Variants in TTC17 observed in about 807,000 individuals in gnomAD.
TTC17 encodes the protein tetratricopeptide repeat domain 17.
A neutral mutation model predicts 143.8 loss-of-function variants in TTC17; 58 were observed. That is an observed-to-expected ratio of 0.40 (90% CI 0.33 to 0.50). The LOEUF (loss-of-function observed/expected upper bound fraction) is 0.50. Ranked by LOEUF, TTC17 falls within the 20% of genes least tolerant of loss-of-function variation. The probability of loss-of-function intolerance (pLI) is 0.49; values close to 1 mark genes in which losing one functional copy is unlikely to be tolerated. For synonymous variants in TTC17, 501 were observed against 497.8 expected (o/e 1.01, Z -0.09); for missense variants, 1,273 against 1,392.5 (o/e 0.91, Z 1.37).
intron 1 of TTC17, among the ~76,000 whole-genome samples, chr11:43,373,073 C>A (rs1017633326): frequency 6.6e-6 from 1 of 152,158 alleles, no homozygotes; most frequent in African/African-American, 2.4e-5. Flanking sequence ...ATATATCTAA[C>A]AGCAGATATC....
chr11:43,397,142 T>C (rs372299696), intron 6 of TTC17: 2 of 539,094 alleles, frequency 3.7e-6, no homozygotes, highest in Non-Finnish European at 3.2e-6. Flanking sequence ...AATTGTAAAA[T>C]CATACAGTGT....
At chr11:43,418,525 G>T (rs1321496601) in intron 16 of TTC17, among the ~76,000 whole-genome samples, 1 of 152,062 alleles carries the variant, frequency 6.6e-6, no homozygotes, top group African/African-American at 2.4e-5. Context: ...AACTGAATTG[G>T]TTACTGTAGC....
intron 18 of TTC17, 116 bp downstream of exon 18, chr11:43,444,325 T>C (rs1376763275): frequency 9.4e-7 from 1 of 1,066,424 alleles, no homozygotes; most frequent in South Asian, 2.2e-5. Context: ...AGGGGCAAAG[T>C]GTGGTCAAGA....
chr11:43,422,107 G>A (rs1946920304), intron 16 of TTC17, among the ~76,000 whole-genome samples: 1 of 152,154 alleles, frequency 6.6e-6, no homozygotes. Context: ...GGGAGAAAGT[G>A]AGAAATGATC....
chr11:43,451,133 A>C, intron 20 of TTC17, 49 bp from the exon 21 acceptor site: 1 of 1,582,584 alleles, frequency 6.3e-7, no homozygotes, highest in South Asian at 1.1e-5. Flanking sequence ...TATCATCTAG[A>C]TCCTGCATCG....
intron 6 of TTC17, 190 bp from the exon 7 acceptor site, chr11:43,397,157 A>G (rs1857627711): frequency 1.7e-6 from 1 of 583,816 alleles, no homozygotes; most frequent in Non-Finnish European, 2.9e-6. Flanking sequence ...CAGTGTCTGC[A>G]ATACCTTATT....
intron 15 of TTC17, among the ~76,000 whole-genome samples, chr11:43,413,646 A>G (rs1283258915): frequency 6.6e-6 from 1 of 152,038 alleles, no homozygotes; most frequent in East Asian, 1.9e-4. Context: ...TAATTCCTTT[A>G]GATAGAGAAA....
At chr11:43,463,323 T>G (rs1159505601) in intron 21 of TTC17, among the ~76,000 whole-genome samples, 1 of 152,156 alleles carries the variant, frequency 6.6e-6, no homozygotes, top group Non-Finnish European at 1.5e-5. Flanking sequence ...AGATTTAAAT[T>G]TCTTAGCATG....
intron 18 of TTC17, chr11:43,446,137 A>G (rs1947535518): frequency 1.5e-6 from 2 of 1,370,748 alleles, no homozygotes; most frequent in South Asian, 1.9e-5. Flanking sequence ...GTACCCTTCA[A>G]CACCATTCTC....
intron 16 of TTC17, among the ~76,000 whole-genome samples, chr11:43,440,535 T>TC (rs1947392684): frequency 1.3e-5 from 2 of 152,184 alleles, no homozygotes; most frequent in Non-Finnish European, 1.5e-5. Flanking sequence ...CTCTTTACCC[T>TC]CTCTTTTTTA....
intron 16 of TTC17, among the ~76,000 whole-genome samples, chr11:43,433,234 C>T (rs557432105): frequency 3.9e-5 from 6 of 152,238 alleles, no homozygotes; most frequent in East Asian, 1.9e-4. Flanking sequence ...CTCTTGACCT[C>T]GTGATCCGCC....
At chr11:43,445,991 G>C (rs772525788) in intron 18 of TTC17, 1 of 1,530,630 alleles carries the variant, frequency 6.5e-7, no homozygotes, top group South Asian at 1.2e-5. Context: ...ATTTCAGCAA[G>C]GCATTTAACA....
intron 5 of TTC17, 57 bp downstream of exon 5, chr11:43,392,009 C>G (rs1374645564): frequency 1.3e-6 from 2 of 1,528,512 alleles, no homozygotes; most frequent in Non-Finnish European, 1.7e-6. Context: ...TCTGTGTAAA[C>G]AGAAGATATT....
rs1318412479 is a variant in TTC17, at chr11:43,403,857, A to T, written c.1333-141A>T. 4 of 600,742 alleles carry T rather than the reference A, an allele frequency of 6.7e-6. No homozygotes were observed. The East Asian group carries it at 1.2e-4, about 17-fold the overall frequency. The allele number at this position is 600,742 out of a possible 1,614,324, so 37.2% of individuals were successfully genotyped here. A position where few individuals can be genotyped will look rare whatever the true frequency, so the allele number is the denominator to read the frequency against. ...ATCGTTGGGGCATAGTTCTTAAAAG[A>T]TCCAATTGCTTTATTACTGAGCTAC... On this transcript the variant is annotated intron_variant, in intron 10 of 23. Coordinates refer to ENST00000039989, the MANE Select transcript of TTC17 (RefSeq NM_018259.6).
chr11:43,440,359 A>G (rs1303956595), intron 16 of TTC17, among the ~76,000 whole-genome samples: 1 of 152,178 alleles, frequency 6.6e-6, no homozygotes, highest in Non-Finnish European at 1.5e-5. Flanking sequence ...GCCCTTTCCT[A>G]ACTCCATTGT....
At chr11:43,424,087 C>CTT (rs778471979) in intron 16 of TTC17, among the ~76,000 whole-genome samples, 4 of 140,744 alleles carry the variant, frequency 2.8e-5, no homozygotes, top group East Asian at 2.1e-4. Flanking sequence ...ATTCTTTTTC[C>CTT]TTTTTTTTTT....
At chr11:43,471,651 A>T (rs1366082890) in intron 21 of TTC17, among the ~76,000 whole-genome samples, 1 of 152,222 alleles carries the variant, frequency 6.6e-6, no homozygotes, top group African/African-American at 2.4e-5. Flanking sequence ...TTAACATGAG[A>T]TCAACTTCCC....
rs769842058 is a variant in TTC17, at chr11:43,397,371, C to A, written c.798C>A (p.Val266=). ...GGCACAATAAAGACATTGCCCTGGT[C>A]AACCTGGCAAACGTTCTACACAGAG... ...SSRHNKDIAL[V]NLANVLHRAH... is the part of the protein sequence containing the mutation. The change falls in exon 7 of 24, where the codon GTC becomes GTA. Residue 266 remains valine, a synonymous_variant. Coordinates refer to ENST00000039989, the MANE Select transcript of TTC17 (RefSeq NM_018259.6). 109 of 1,611,464 alleles carry A rather than the reference C, an allele frequency of 6.8e-5. No individual in the cohort carries two copies. The South Asian group carries it at 1.2e-3, about 17-fold the overall frequency.
intron 16 of TTC17, among the ~76,000 whole-genome samples, chr11:43,427,456 G>C (rs1947055379): frequency 6.6e-6 from 1 of 152,136 alleles, no homozygotes; most frequent in Non-Finnish European, 1.5e-5. Context: ...CCAAATCTTG[G>C]TACCAAATGA....
Sources: allele counts gnomAD v4.1 joint callset (sites outside exome capture counted in the v4.1 genomes callset), GRCh38; gene constraint gnomAD v4.1.1; transcripts MANE v1.5; gene names NCBI Gene and HGNC (gene_info 2026-07-23, HGNC 2026-07-21).